The following SGSM1 variants were observed in gnomAD, a reference collection of about 807,000 sequenced individuals.
SGSM1 encodes the protein RUN and TBC1 domain containing 2.
A neutral mutation model predicts 133.8 loss-of-function variants in SGSM1; 73 were observed. The observed-to-expected ratio is 0.55, with a 90% confidence interval of 0.45 to 0.66. SGSM1 has a LOEUF of 0.66. SGSM1 is among the 30% of genes least tolerant of loss of function. SGSM1 has a pLI of 0.00. For synonymous variants in SGSM1, 563 were observed against 573.0 expected (o/e 0.98, Z 0.25); for missense variants, 1,213 against 1,448.1 (o/e 0.84, Z 2.64).
chr22:24,872,253 C>A (rs987698952), intron 12 of SGSM1, among the ~76,000 whole-genome samples: 2 of 152,156 alleles, frequency 1.3e-5, no homozygotes, highest in African/African-American at 4.8e-5. Flanking sequence ...GACCTGTCTC[C>A]GCTGGGTTCT....
At chr22:24,862,807 G>T (rs1931227445) in intron 9 of SGSM1, among the ~76,000 whole-genome samples, 3 of 152,136 alleles carry the variant, frequency 2.0e-5, no homozygotes, top group Non-Finnish European at 4.4e-5. Context: ...GGTGACCTGG[G>T]GTATGTCACT....
intron 2 of SGSM1, among the ~76,000 whole-genome samples, chr22:24,831,594 C>T (rs955777603): frequency 6.6e-6 from 1 of 152,172 alleles, no homozygotes; most frequent in Admixed American, 6.5e-5. Context: ...CAGTCAGGGC[C>T]TTCTCACGCT....
chr22:24,889,419 T>A (rs893915514), intron 16 of SGSM1, among the ~76,000 whole-genome samples: 1 of 151,294 alleles, frequency 6.6e-6, no homozygotes. Flanking sequence ...TTCTTTTTTT[T>A]TTTTTTTTGA....
chr22:24,840,436 C>T (rs902705700), intron 2 of SGSM1, among the ~76,000 whole-genome samples: 3 of 152,160 alleles, frequency 2.0e-5, no homozygotes, highest in Admixed American at 6.5e-5. Flanking sequence ...CTCCACCTCC[C>T]GGGTTCAAGC....
At position 24,908,735 on chromosome 22, in the gene SGSM1, G is replaced by C. The variant is rs192903053; in HGVS notation, c.2818+3548G>C. Among the ~76,000 whole-genome samples the C allele has an allele frequency of 8.1e-3, 1,235 of 151,614 alleles. 25 individuals are homozygous for C. The highest frequency in any genetic ancestry group is 0.029 in the African/African-American group (1,182 of 41,296). ...GAGAATGGCATGAACCCAGGAGGCA[G>C]AGCTTGCAGTGAGCCGAGATCGCGC... On this transcript the variant is annotated intron_variant, in intron 21 of 24. Transcript: ENST00000400358.
chr22:24,922,123 G>C (rs912264885), intron 24 of SGSM1, among the ~76,000 whole-genome samples: 11 of 151,508 alleles, frequency 7.3e-5, no homozygotes, highest in Admixed American at 3.3e-4. Context: ...GAATCAGATT[G>C]GACACCACCT....
chr22:24,908,965 A>G (rs376238168), intron 21 of SGSM1, among the ~76,000 whole-genome samples: 1 of 152,368 alleles, frequency 6.6e-6, no homozygotes. Flanking sequence ...TGCCACAGAC[A>G]GGAACCTTGC....
intron 20 of SGSM1, among the ~76,000 whole-genome samples, chr22:24,904,870 G>A (rs1933315189): frequency 6.6e-6 from 1 of 152,146 alleles, no homozygotes. Flanking sequence ...AGACAGCAGG[G>A]TGCTTGTGCA....
intron 18 of SGSM1, among the ~76,000 whole-genome samples, chr22:24,895,971 C>T (rs909527322): frequency 2.6e-5 from 4 of 152,082 alleles, no homozygotes; most frequent in African/African-American, 9.7e-5. Flanking sequence ...ATCACCAGGG[C>T]CCAGGAGGTT....
At chr22:24,907,762 A>G (rs1933447469) in intron 21 of SGSM1, among the ~76,000 whole-genome samples, 1 of 151,872 alleles carries the variant, frequency 6.6e-6, no homozygotes, top group African/African-American at 2.4e-5. Flanking sequence ...AATGCAAAAA[A>G]TTAGCTGGGC....
intron 18 of SGSM1, 85 bp from the exon 19 acceptor site, chr22:24,897,887 C>T: frequency 2.5e-6 from 3 of 1,202,312 alleles, no homozygotes; most frequent in Non-Finnish European, 3.5e-6. Context: ...AGCCGATCAC[C>T]TGTTGTTGGA....
At chr22:24,907,258 CTCAA>C (rs1226050794) in intron 21 of SGSM1, among the ~76,000 whole-genome samples, 1 of 130,520 alleles carries the variant, frequency 7.7e-6, no homozygotes, top group Non-Finnish European at 1.6e-5. Context: ...AAAACTCCAT[CTCAA>C]ATAAATAAAT....
At chr22:24,920,016 A>G (rs1226369033) in intron 24 of SGSM1, 23 bp downstream of exon 24, 2 of 1,572,964 alleles carry the variant, frequency 1.3e-6, no homozygotes, top group African/African-American at 2.7e-5. Context: ...CTGGGGCCTC[A>G]TGAGAGGGGT....
At chr22:24,908,249 C>T (rs1259528761) in intron 21 of SGSM1, among the ~76,000 whole-genome samples, 1 of 152,090 alleles carries the variant, frequency 6.6e-6, no homozygotes, top group Non-Finnish European at 1.5e-5. Flanking sequence ...AATGTAAGAA[C>T]TAAAACTGTA....
rs552962502 is a variant in SGSM1 at position 24,893,297 on chromosome 22, G to A, written c.1771-134G>A. 25 of 874,148 alleles carry A rather than the reference G, an allele frequency of 2.9e-5. 3 individuals carry two copies. In the South Asian group the frequency reaches 4.4e-4, roughly 15 times the overall value. 54.1% of individuals were successfully genotyped at this position (874,148 alleles called of 1,614,324 possible). On this transcript the variant is annotated intron_variant, in intron 16 of 24. Coordinates refer to ENST00000400358, the MANE Select transcript of SGSM1 (RefSeq NM_001098497.3). ...CAGTGCTAGGCATAGCATAGTAGGT[G>A]CTCAGTTAATATCTGCTGGATGTTA...
intron 2 of SGSM1, among the ~76,000 whole-genome samples, chr22:24,819,294 A>G (rs753653188): frequency 6.6e-6 from 1 of 152,212 alleles, no homozygotes; most frequent in Non-Finnish European, 1.5e-5. Context: ...AATTTAAATT[A>G]AATTGAAAAT....
intron 9 of SGSM1, among the ~76,000 whole-genome samples, chr22:24,860,906 A>AT (rs1569152137): frequency 8.1e-5 from 7 of 86,470 alleles, no homozygotes; most frequent in African/African-American, 4.6e-4. Flanking sequence ...TTAAAAAAAA[A>AT]AAAAAAAAAA....
intron 2 of SGSM1, among the ~76,000 whole-genome samples, chr22:24,833,742 CATG>C (rs1412125183): frequency 1.3e-5 from 2 of 151,950 alleles, no homozygotes; most frequent in African/African-American, 2.4e-5. Flanking sequence ...TGACATTTTG[CATG>C]ATGAGATTCC....
intron 2 of SGSM1, among the ~76,000 whole-genome samples, chr22:24,833,864 AAGGGTGGTGCTCACTTG>A (rs1345036798): frequency 1.3e-5 from 2 of 152,200 alleles, no homozygotes; most frequent in African/African-American, 4.8e-5. Flanking sequence ...GGACACCCTG[AAGGGTGGTGCTCACTTG>A]AGGGCGTCTG....
Sources: gnomAD v4.1 joint callset for allele counts (sites outside exome capture counted in the v4.1 genomes callset) on GRCh38, gnomAD v4.1.1 for gene constraint, MANE v1.5 for transcripts, NCBI Gene and HGNC (gene_info 2026-07-23, HGNC 2026-07-21) for gene names.